Variants in SLC9A6 observed in about 807,000 individuals in gnomAD.
The protein encoded by SLC9A6 is solute carrier family 9 member A6.
In SLC9A6, 6 loss-of-function variants were observed where a neutral mutation model predicts 45.3. The ratio of observed to expected loss-of-function variants is 0.13; its 90% CI spans 0.07 to 0.26. The LOEUF is 0.26. Ranked by LOEUF, SLC9A6 falls within the 10% of genes least tolerant of loss-of-function variation. The pLI is 1.00. For synonymous variants in SLC9A6, 191 were observed against 187.7 expected (o/e 1.02, Z -0.14); for missense variants, 278 against 503.7 (o/e 0.55, Z 4.29).
At chrX:136,040,738 A>T (rs2071492942) in intron 17 of SLC9A6, among the ~76,000 whole-genome samples, 1 of 112,714 alleles carries the variant, frequency 8.9e-6, no homozygotes, top group Admixed American at 9.4e-5. Flanking sequence ...AATTTGATAA[A>T]TATTGCTACT....
intron 13 of SLC9A6, among the ~76,000 whole-genome samples, chrX:136,028,143 A>G (rs1222755591): frequency 8.9e-6 from 1 of 112,294 alleles, no homozygotes; most frequent in Non-Finnish European, 1.9e-5. Context: ...GTCTTGTGAT[A>G]ATATTGTTAT....
chrX:136,041,468 C>T (rs2148213107), intron 17 of SLC9A6, among the ~76,000 whole-genome samples: 1 of 111,944 alleles, frequency 8.9e-6, no homozygotes, highest in Non-Finnish European at 1.9e-5. Flanking sequence ...ACAGACTGTG[C>T]CTGTGAGATG....
intron 6 of SLC9A6, among the ~76,000 whole-genome samples, chrX:135,999,174 T>A (rs913655367): frequency 1.0e-4 from 11 of 110,177 alleles, no homozygotes; most frequent in Non-Finnish European, 1.7e-4. Context: ...TTTTTTTTTT[T>A]AATTACATTT....
At chrX:135,981,501 A>G (rs1556614036), upstream of SLC9A6, among the ~76,000 whole-genome samples, 1 of 110,986 alleles carries the variant, frequency 9.0e-6, no homozygotes, top group East Asian at 2.8e-4. Flanking sequence ...GGCATCCTGG[A>G]AAATTTGGTG....
intron 6 of SLC9A6, among the ~76,000 whole-genome samples, chrX:135,999,469 G>A (rs2089551444): frequency 8.9e-6 from 1 of 111,988 alleles, no homozygotes; most frequent in South Asian, 3.6e-4. Context: ...TTGATTTGGA[G>A]TCATTGGAGG....
At chrX:136,029,521 G>T (rs949277472) in intron 14 of SLC9A6, 3 of 114,091 alleles carry the variant, frequency 2.6e-5, no homozygotes, top group African/African-American at 9.8e-5. Context: ...TTGAGAGACC[G>T]TTTAGAGGAG....
chrX:135,986,698 T>TTTATTATTA (rs781979699), intron 2 of SLC9A6, among the ~76,000 whole-genome samples: 1 of 109,393 alleles, frequency 9.1e-6, no homozygotes, highest in Non-Finnish European at 1.9e-5. Context: ...CTTTCTGAGG[T>TTTATTATTA]TTATTATTAT....
intron 1 of SLC9A6, chrX:135,974,971 C>T (rs2089253594): frequency 8.4e-6 from 2 of 238,298 alleles, no homozygotes; most frequent in Non-Finnish European, 1.6e-5. Flanking sequence ...TTTTCTTTGT[C>T]TTCATCTCCT....
intron 17 of SLC9A6, among the ~76,000 whole-genome samples, chrX:136,042,010 A>G (rs951441200): frequency 1.8e-5 from 2 of 109,820 alleles, no homozygotes; most frequent in Non-Finnish European, 3.8e-5. Context: ...AATTTCTCCT[A>G]TTCATAAGGA....
At chrX:136,010,259 A>C in intron 7 of SLC9A6, 183 bp from the exon 8 acceptor site, 2 of 277,769 alleles carry the variant, frequency 7.2e-6, no homozygotes, top group Non-Finnish European at 1.3e-5. Context: ...AGGGAAAGCC[A>C]AGTTTTCTTG....
chrX:136,040,346 A>T (rs2071486333), intron 17 of SLC9A6, among the ~76,000 whole-genome samples, 165 bp downstream of exon 17: 1 of 112,566 alleles, frequency 8.9e-6, no homozygotes, highest in Non-Finnish European at 1.9e-5. Context: ...AAATACACTG[A>T]AACCTATAAA....
intron 2 of SLC9A6, among the ~76,000 whole-genome samples, chrX:135,994,266 G>A (rs1006455679): frequency 1.8e-5 from 2 of 109,308 alleles, no homozygotes; most frequent in Non-Finnish European, 3.8e-5. Context: ...CACCACGCCC[G>A]GCTGATTTTT....
Position 136,044,606 on chromosome X carries a change from G to A in SLC9A6, c.1922G>A (p.Arg641Gln), listed in dbSNP as rs781912974. 1.2e-5 allele frequency: 14 copies of A among 1,211,159 alleles called. No individual in the cohort carries two copies. In the South Asian group the frequency reaches 1.9e-4, roughly 17 times the overall value. ...AACAGTTCTGAAGATGCCTTGGATC[G>A]GGAGCTTGCATTTGGGGACCATGAA... ...MGNSSEDALD[R>Q]ELAFGDHELV... The change falls in exon 18 of 18, where the codon CGG becomes CAG. Residue 641 changes from arginine (R) to glutamine (Q), a missense_variant. Arg to Gln is a conservative substitution (Grantham distance 43). This residue lies in a region of SLC9A6 where 91 missense variants were observed against 125.1 expected (regional missense o/e 0.73). Coordinates refer to ENST00000630721, the MANE Select transcript of SLC9A6 (RefSeq NM_001379110.1).
rs550732997 is a variant in SLC9A6, at chrX:135,993,785, C to T, written c.170-1001C>T. Among the ~76,000 whole-genome samples, 3 of 109,146 alleles carry T rather than the reference C, an allele frequency of 2.7e-5. No individual in the cohort carries two copies. The East Asian group carries it at 8.7e-4, about 31-fold the overall frequency. The allele number at this position is 109,146 out of a possible 115,157, so 94.8% of individuals were successfully genotyped here. On this transcript the variant is annotated intron_variant, in intron 2 of 17. Transcript: ENST00000630721. ...CAGCCTGGGCAACAGAGCAAAATTT[C>T]GTCTCAGAAAAAAAAAAAATTTAGT...
chrX:136,033,209 G>T, intron 15 of SLC9A6: 1 of 265,849 alleles, frequency 3.8e-6, no homozygotes, highest in Non-Finnish European at 6.9e-6. Context: ...TTAGCAAGCA[G>T]CCTGAGTAAT....
intron 12 of SLC9A6, among the ~76,000 whole-genome samples, chrX:136,024,128 C>T (rs1444914284): frequency 8.9e-6 from 1 of 111,883 alleles, no homozygotes; most frequent in Non-Finnish European, 1.9e-5. Flanking sequence ...CTCAGGTGAT[C>T]TGCCCACCTC....
At chrX:135,993,188 A>G (rs1017466708) in intron 2 of SLC9A6, among the ~76,000 whole-genome samples, 2 of 112,050 alleles carry the variant, frequency 1.8e-5, no homozygotes, top group Non-Finnish European at 3.8e-5. Flanking sequence ...ACAAAAGGCC[A>G]TATATTGTAG....
At chrX:136,004,807 C>G (rs1317649773) in intron 7 of SLC9A6, among the ~76,000 whole-genome samples, 1 of 112,018 alleles carries the variant, frequency 8.9e-6, no homozygotes, top group Admixed American at 9.5e-5. Context: ...CATATTGATA[C>G]TGAACTTTAG....
chrX:136,023,451 G>A (rs182568929), intron 12 of SLC9A6, among the ~76,000 whole-genome samples: 255 of 107,311 alleles, frequency 2.4e-3, no homozygotes, highest in Non-Finnish European at 3.9e-3. Context: ...CCATGCTATG[G>A]AATACTACTG....
Sources: gnomAD v4.1 joint callset for allele counts (sites outside exome capture counted in the v4.1 genomes callset) on GRCh38, gnomAD v4.1.1 for gene constraint, gnomAD v4.1.1 regional missense constraint, MANE v1.5 for transcripts, NCBI Gene and HGNC (gene_info 2026-07-23, HGNC 2026-07-21) for gene names.